The following FAM98B variants were observed in gnomAD, a reference collection of about 807,000 sequenced individuals.
The protein encoded by FAM98B is tRNA splicing ligase complex subunit 3B.
In FAM98B, 32 loss-of-function variants were observed where a neutral mutation model predicts 43.9. The observed-to-expected ratio is 0.73, with a 90% confidence interval of 0.55 to 0.98. The LOEUF is 0.98. Among genes scored for constraint, FAM98B ranks in the 50% least tolerant of loss-of-function variants. FAM98B has a pLI of 0.00. For synonymous variants in FAM98B, 190 were observed against 174.0 expected (o/e 1.09, Z -0.72); for missense variants, 514 against 522.9 (o/e 0.98, Z 0.17).
At chr15:38,471,022 C>T (rs560753925) in intron 4 of FAM98B, among the ~76,000 whole-genome samples, 23 of 151,744 alleles carry the variant, frequency 1.5e-4, no homozygotes, top group Admixed American at 9.2e-4. Context: ...ATGCTACTCT[C>T]ACAGACCAAA....
intron 3 of FAM98B, among the ~76,000 whole-genome samples, chr15:38,469,053 A>G (rs62002933): frequency 0.011 from 1,737 of 152,160 alleles, 19 homozygotes; most frequent in Non-Finnish European, 0.019. Flanking sequence ...CTACAGGCGC[A>G]TGCTGCCATG....
At chr15:38,479,188 A>C (rs1384106116) in intron 6 of FAM98B, among the ~76,000 whole-genome samples, 1 of 152,088 alleles carries the variant, frequency 6.6e-6, no homozygotes, top group Non-Finnish European at 1.5e-5. Flanking sequence ...GGCTGGTCTC[A>C]AACTCCTGGC....
At chr15:38,460,575 CA>C (rs1889931444) in intron 1 of FAM98B, among the ~76,000 whole-genome samples, 1 of 152,158 alleles carries the variant, frequency 6.6e-6, no homozygotes, top group Non-Finnish European at 1.5e-5. Flanking sequence ...TCAGGAGATT[CA>C]TATGCACATA....
intron 7 of FAM98B, 96 bp downstream of exon 7, chr15:38,481,555 A>G: frequency 6.2e-7 from 1 of 1,612,968 alleles, no homozygotes; most frequent in Non-Finnish European, 8.5e-7. Context: ...TGTCCTGGTA[A>G]ATGTTTAGAA....
At chr15:38,462,843 G>A (rs950516595) in intron 1 of FAM98B, among the ~76,000 whole-genome samples, 1 of 152,088 alleles carries the variant, frequency 6.6e-6, no homozygotes, top group Non-Finnish European at 1.5e-5. Context: ...TAAAAGAATC[G>A]GGGCTCCTTG....
rs1312626767 is a variant in FAM98B at position 38,487,334 on chromosome 15, A to G, written c.*2675A>G. 1 of 152,114 alleles carries G rather than the reference A, an allele frequency of 6.6e-6. No individual in the cohort carries two copies. Among genetic ancestry groups the G allele is most frequent in the Non-Finnish European group, 1.5e-5 (1 of 67,960 alleles). 9.4% of individuals were successfully genotyped at this position (152,114 alleles called of 1,614,324 possible). On this transcript the variant is annotated 3_prime_UTR_variant, in exon 8 of 8. Coordinates refer to ENST00000397609, the MANE Select transcript of FAM98B (RefSeq NM_173611.4). ...AGAGGAGGCATGACAACCTAAAAAA[A>G]ATTTGTGACCAGAAAAATGTCCTGA...
chr15:38,477,168 C>G (rs970561233), intron 6 of FAM98B, among the ~76,000 whole-genome samples: 10 of 143,396 alleles, frequency 7.0e-5, no homozygotes, highest in African/African-American at 2.5e-4. Flanking sequence ...ACTATAAAGC[C>G]TATTGGGAAC....
At chr15:38,464,844 C>T (rs1003641163) in intron 2 of FAM98B, among the ~76,000 whole-genome samples, 1 of 152,136 alleles carries the variant, frequency 6.6e-6, no homozygotes, top group African/African-American at 2.4e-5. Flanking sequence ...TCAAGCAACC[C>T]TCTCACCCCA....
chr15:38,479,712 A>T (rs989085981), intron 6 of FAM98B, among the ~76,000 whole-genome samples: 3 of 152,182 alleles, frequency 2.0e-5, no homozygotes, highest in Non-Finnish European at 4.4e-5. Context: ...ATTTTTATAT[A>T]TAAATTTCAG....
intron 3 of FAM98B, among the ~76,000 whole-genome samples, chr15:38,466,184 G>T (rs1303234496): frequency 1.2e-4 from 3 of 25,002 alleles, no homozygotes; most frequent in East Asian, 2.3e-3. Flanking sequence ...GATGAAATTT[G>T]TGTGTGTGTG....
intron 5 of FAM98B, 127 bp from the exon 6 acceptor site, chr15:38,474,055 G>C: frequency 1.6e-6 from 1 of 624,526 alleles, no homozygotes; most frequent in Non-Finnish European, 2.8e-6. Context: ...AGTCTCATGG[G>C]AACAGAAAAT....
At chr15:38,473,654 A>G (rs1890156714) in intron 5 of FAM98B, 69 bp downstream of exon 5, 1 of 1,275,708 alleles carries the variant, frequency 7.8e-7, no homozygotes, top group Admixed American at 2.2e-5. Flanking sequence ...TTTATAAATG[A>G]ACATCTATTT....
chr15:38,466,309 C>T (rs952109221), intron 3 of FAM98B, among the ~76,000 whole-genome samples: 1 of 151,862 alleles, frequency 6.6e-6, no homozygotes, highest in African/African-American at 2.4e-5. Flanking sequence ...CATCCCAATA[C>T]ACCATTCTCC....
At chr15:38,470,202 A>G (rs1890102154) in intron 3 of FAM98B, 25 bp from the exon 4 acceptor site, 4 of 1,352,618 alleles carry the variant, frequency 3.0e-6, no homozygotes, top group Non-Finnish European at 4.0e-6. Context: ...ATGTATTAAC[A>G]TTATTTATTT....
intron 1 of FAM98B, chr15:38,459,462 G>C: frequency 2.8e-6 from 1 of 351,154 alleles, no homozygotes. Context: ...TCTTAAGGAG[G>C]GCTTGGAGAC....
intron 1 of FAM98B, among the ~76,000 whole-genome samples, chr15:38,462,015 T>C (rs1274869465): frequency 6.6e-6 from 1 of 152,138 alleles, no homozygotes; most frequent in Non-Finnish European, 1.5e-5. Flanking sequence ...AATCCAAGTG[T>C]CCTTTAGTAG....
Position 38,481,332 on chromosome 15 carries a change from G to A in FAM98B, c.770G>A (p.Arg257His), listed in dbSNP as rs768788629. Residue 257 changes from arginine (R) to histidine (H), a missense_variant, in exon 7 of 8, where the codon CGT (arginine) becomes CAT (histidine). By Grantham distance (29) the Arg-to-His change is conservative. Coordinates refer to ENST00000397609, the MANE Select transcript of FAM98B (RefSeq NM_173611.4). ...ATAGCAAGAATTTATCAGCCTAAGC[G>A]TTATGCTTTGTCACCCAAGACAACG... ...DDIARIYQPK[R>H]YALSPKTTIT... The A allele has an allele frequency of 2.2e-5, 35 of 1,613,904 alleles. No homozygotes were observed. Among genetic ancestry groups the A allele is most frequent in the East Asian group, 4.5e-5 (2 of 44,884 alleles).
chr15:38,482,719 T>C (rs1890302062), intron 7 of FAM98B: 1 of 152,266 alleles, frequency 6.6e-6, no homozygotes, highest in South Asian at 2.1e-4. Flanking sequence ...GTTGCTTTTT[T>C]ACTTTCTTTC....
At chr15:38,459,954 A>G (rs28655943) in intron 1 of FAM98B, among the ~76,000 whole-genome samples, 5,759 of 152,320 alleles carry the variant, frequency 0.038, 154 homozygotes, top group Non-Finnish European at 0.059. Flanking sequence ...GGCAAAGACA[A>G]TAGGTTGGGT....
Sources: allele counts gnomAD v4.1 joint callset (sites outside exome capture counted in the v4.1 genomes callset), GRCh38; gene constraint gnomAD v4.1.1; transcripts MANE v1.5; gene names NCBI Gene and HGNC (gene_info 2026-07-23, HGNC 2026-07-21).